The following MICU3 variants were observed in gnomAD, a reference collection of about 807,000 sequenced individuals.
MICU3 encodes the protein mitochondrial calcium uptake 3.
MICU3 carries 62 observed loss-of-function variants against 66.5 expected under a neutral mutation model. The observed-to-expected ratio is 0.93, with a 90% CI of 0.76 to 1.15. The LOEUF is 1.15. Among genes scored for constraint, MICU3 ranks in the 50% most tolerant of loss-of-function variants. The pLI is 0.00. For missense variants in MICU3, 779 were observed against 664.4 expected (o/e 1.17, Z -1.90); for synonymous variants, 308 against 240.7 (o/e 1.28, Z -2.59).
At chr8:17,049,889 C>T (rs1160185748) in intron 1 of MICU3, among the ~76,000 whole-genome samples, 1 of 152,098 alleles carries the variant, frequency 6.6e-6, no homozygotes, top group Non-Finnish European at 1.5e-5. Context: ...AAGACATGAA[C>T]TTTTGTTTTT....
At chr8:17,093,994 T>G (rs1309637508) in intron 8 of MICU3, among the ~76,000 whole-genome samples, 1 of 152,032 alleles carries the variant, frequency 6.6e-6, no homozygotes, top group Non-Finnish European at 1.5e-5. Context: ...CCTTCATGTG[T>G]GTCCCCACTC....
At chr8:17,111,251 CAGATAT>C (rs1442212859) in intron 11 of MICU3, among the ~76,000 whole-genome samples, 1 of 152,082 alleles carries the variant, frequency 6.6e-6, no homozygotes, top group Non-Finnish European at 1.5e-5. Context: ...AGAGCCTTAT[CAGATAT>C]ATTATTTGCA....
chr8:17,104,730 T>G (rs1434420614), intron 10 of MICU3, among the ~76,000 whole-genome samples: 1 of 97,992 alleles, frequency 1.0e-5, no homozygotes, highest in East Asian at 2.4e-4. Context: ...GCGCGGTGGC[T>G]CACGCCTGTA....
intron 8 of MICU3, among the ~76,000 whole-genome samples, chr8:17,097,102 T>C (rs1420250442): frequency 6.6e-6 from 1 of 151,560 alleles, no homozygotes; most frequent in Non-Finnish European, 1.5e-5. Context: ...TTTTCTAGTT[T>C]GGTGGGTTTA....
intron 1 of MICU3, among the ~76,000 whole-genome samples, chr8:17,037,418 T>A (rs958897355): frequency 2.0e-5 from 3 of 152,204 alleles, no homozygotes; most frequent in Admixed American, 1.3e-4. Context: ...CTTGGTACCC[T>A]GTGTCCCAGC....
At chr8:17,125,077 T>A (rs1803369594), downstream of MICU3, among the ~76,000 whole-genome samples, 1 of 152,196 alleles carries the variant, frequency 6.6e-6, no homozygotes, top group African/African-American at 2.4e-5. Context: ...TCTTGTTTTC[T>A]CTGCTCAGTT....
intron 8 of MICU3, among the ~76,000 whole-genome samples, chr8:17,093,978 G>A (rs545108710): frequency 2.8e-4 from 42 of 151,924 alleles, no homozygotes; most frequent in African/African-American, 1.0e-3. Flanking sequence ...CATATACCAC[G>A]AATCCCCTTC....
chr8:17,081,412 G>A (rs958360356), intron 4 of MICU3, among the ~76,000 whole-genome samples: 2 of 151,940 alleles, frequency 1.3e-5, no homozygotes, highest in African/African-American at 2.4e-5. Context: ...TTAGAAACTA[G>A]CAACAAGTTT....
intron 9 of MICU3, 140 bp from the exon 10 acceptor site, chr8:17,104,251 C>T (rs1801530782): frequency 7.5e-6 from 3 of 401,100 alleles, no homozygotes; most frequent in Non-Finnish European, 1.4e-5. Flanking sequence ...ATTAATATGC[C>T]TGTGTTTTTC....
intron 9 of MICU3, 59 bp downstream of exon 9, chr8:17,098,612 C>T: frequency 8.7e-7 from 1 of 1,145,162 alleles, no homozygotes; most frequent in Non-Finnish European, 1.3e-6. Flanking sequence ...ATCTAGTCGT[C>T]ATTTCATTTT....
chr8:17,086,570 A>G (rs1799494950), intron 6 of MICU3, among the ~76,000 whole-genome samples: 1 of 152,096 alleles, frequency 6.6e-6, no homozygotes, highest in South Asian at 2.1e-4. Flanking sequence ...TTATGATGGT[A>G]CACAACTGTA....
At chr8:17,080,259 T>C (rs1820984166) in intron 4 of MICU3, among the ~76,000 whole-genome samples, 1 of 152,130 alleles carries the variant, frequency 6.6e-6, no homozygotes, top group African/African-American at 2.4e-5. Context: ...CACTTCATTT[T>C]TCTTCCCTGT....
chr8:17,093,969 A>G (rs1485315238), intron 8 of MICU3, among the ~76,000 whole-genome samples: 2 of 152,052 alleles, frequency 1.3e-5, no homozygotes, highest in Non-Finnish European at 2.9e-5. Flanking sequence ...AAATATTGCC[A>G]TATACCACGA....
chr8:17,128,991 G>A, the MICU3 span, among the ~76,000 whole-genome samples: 1 of 152,142 alleles, frequency 6.6e-6, no homozygotes, highest in Non-Finnish European at 1.5e-5. Flanking sequence ...CATAGTGCTG[G>A]GAGCCATCAG....
intron 1 of MICU3, among the ~76,000 whole-genome samples, chr8:17,051,962 C>T (rs1171585045): frequency 2.0e-5 from 3 of 151,926 alleles, no homozygotes; most frequent in African/African-American, 4.8e-5. Flanking sequence ...GAGAAGTATA[C>T]AGTGGAAGAG....
chr8:17,036,802 C>G (rs936917986), intron 1 of MICU3, among the ~76,000 whole-genome samples: 1 of 152,214 alleles, frequency 6.6e-6, no homozygotes, highest in Non-Finnish European at 1.5e-5. Flanking sequence ...CTGCCAGTCC[C>G]GCGCCGTGCG....
chr8:17,073,759 A>G (rs1369886328), intron 3 of MICU3, among the ~76,000 whole-genome samples: 2 of 152,148 alleles, frequency 1.3e-5, no homozygotes, highest in African/African-American at 4.8e-5. Context: ...GTCAATCATC[A>G]GGCAGGTGAA....
chr8:17,125,576 A>G (rs1803384619), downstream of MICU3, among the ~76,000 whole-genome samples: 1 of 152,160 alleles, frequency 6.6e-6, no homozygotes, highest in South Asian at 2.1e-4. Flanking sequence ...GACTATCAGT[A>G]TGTATAGGTC....
chr8:17,100,163 A>T (rs1435748674), intron 9 of MICU3, among the ~76,000 whole-genome samples: 1 of 151,360 alleles, frequency 6.6e-6, no homozygotes, highest in African/African-American at 2.4e-5. Flanking sequence ...AGTGGCCGTG[A>T]TAGGAGTATG....
Sources: allele counts gnomAD v4.1 joint callset (sites outside exome capture counted in the v4.1 genomes callset), GRCh38; gene constraint gnomAD v4.1.1; transcripts MANE v1.5; gene names NCBI Gene and HGNC (gene_info 2026-07-23, HGNC 2026-07-21).